GAB1: variants seen among roughly 807,000 people sequenced by gnomAD.
GAB1 encodes GRB2 associated binding protein 1.
Under a neutral mutation model 66.5 loss-of-function variants are expected in GAB1, and 19 were observed. That is an observed-to-expected ratio of 0.29 (90% confidence interval 0.20 to 0.42). The LOEUF (loss-of-function observed/expected upper bound fraction) is 0.42, where lower values mean the gene tolerates loss of function less well. Ranked by LOEUF, GAB1 falls within the 10% of genes least tolerant of loss-of-function variation. GAB1 has a pLI of 1.00. For missense variants in GAB1, 732 were observed against 858.5 expected (o/e 0.85, Z 1.84); for synonymous variants, 294 against 301.4 (o/e 0.98, Z 0.25).
intron 1 of GAB1, among the ~76,000 whole-genome samples, chr4:143,387,617 G>T (rs764597922): frequency 6.6e-6 from 1 of 152,114 alleles, no homozygotes; most frequent in African/African-American, 2.4e-5. Flanking sequence ...TCTTGCATTC[G>T]ATTCTTGCTT....
chr4:143,369,382 A>G (rs781268268), intron 1 of GAB1, among the ~76,000 whole-genome samples: 3 of 152,184 alleles, frequency 2.0e-5, no homozygotes, highest in Non-Finnish European at 4.4e-5. Flanking sequence ...TGGCCAAGAA[A>G]TACCAGCTCT....
chr4:143,460,244 GATTA>G (rs1735419282), intron 7 of GAB1, 116 bp from the exon 8 acceptor site: 2 of 884,702 alleles, frequency 2.3e-6, no homozygotes, highest in South Asian at 1.5e-5. Flanking sequence ...TACAATGAAT[GATTA>G]TAAACATAAG....
intron 1 of GAB1, among the ~76,000 whole-genome samples, chr4:143,373,887 T>TATATATATATATGTA (rs1560726049): frequency 1.0e-5 from 1 of 98,246 alleles, no homozygotes; most frequent in African/African-American, 4.4e-5. Flanking sequence ...ATATATATAT[T>TATATATATATATGTA]TTTACCTTTC....
intron 1 of GAB1, among the ~76,000 whole-genome samples, chr4:143,350,650 C>T (rs1432118869): frequency 7.0e-6 from 1 of 143,326 alleles, no homozygotes; most frequent in Non-Finnish European, 1.5e-5. Flanking sequence ...TGCACTCCAG[C>T]CTGGGCAACA....
chr4:143,360,620 C>T (rs1729625355), intron 1 of GAB1, among the ~76,000 whole-genome samples: 1 of 152,110 alleles, frequency 6.6e-6, no homozygotes, highest in Admixed American at 6.5e-5. Flanking sequence ...CAAATTCTTG[C>T]CATCATGCTA....
At chr4:143,351,817 A>G (rs1468528557) in intron 1 of GAB1, among the ~76,000 whole-genome samples, 1 of 152,220 alleles carries the variant, frequency 6.6e-6, no homozygotes, top group African/African-American at 2.4e-5. Flanking sequence ...ACTCTATTGC[A>G]CAGATTTATC....
In GAB1 at chr4:143,438,091, A is replaced by T. The variant is rs1272716603; in HGVS notation, c.686A>T (p.Lys229Ile). 6.2e-7 allele frequency: 1 copy of T among 1,614,004 alleles called. No homozygotes were observed. The highest frequency in any genetic ancestry group is 2.2e-5 in the East Asian group (1 of 44,894). The part of the protein sequence containing the change: ...SHKNPASSQS[K>I]HGMNGFFQQQ... ...AAAAATCCTGCTTCCTCCCAGAGCA[A>T]ACATGGAATGAATGGCTTTTTTCAG... The change falls in exon 4 of 10, where the codon AAA (lysine) becomes ATA (isoleucine). Residue 229 changes from lysine to isoleucine, a missense_variant. By Grantham distance (102) the Lys-to-Ile change is moderately radical (BLOSUM62 -3). Transcript: ENST00000262994.
At chr4:143,468,794 A>G (rs1735933247) in intron 9 of GAB1, among the ~76,000 whole-genome samples, 1 of 151,958 alleles carries the variant, frequency 6.6e-6, no homozygotes, top group Non-Finnish European at 1.5e-5. Flanking sequence ...GTGGTGGCAC[A>G]TGCCTGTAAT....
At chr4:143,384,889 G>C (rs932211442) in intron 1 of GAB1, among the ~76,000 whole-genome samples, 3 of 152,152 alleles carry the variant, frequency 2.0e-5, no homozygotes, top group African/African-American at 4.8e-5. Flanking sequence ...GTGTCATTTT[G>C]GTTTACTTGG....
chr4:143,459,590 G>C, intron 7 of GAB1, 112 bp downstream of exon 7: 2 of 728,816 alleles, frequency 2.7e-6, no homozygotes, highest in Admixed American at 2.3e-5. Flanking sequence ...GATCTGAAGA[G>C]CCCCCTTTTT....
chr4:143,469,362 A>G lies in GAB1; in HGVS notation c.*173A>G. On this transcript the variant is annotated 3_prime_UTR_variant, in exon 10 of 10. Transcript: ENST00000262994. Reference sequence around the variant, plus strand: ...TTAGACTTAAGTGGTGCTTTGTGGTATCTGAACAATTCATAACATGTAAAT... The same window carrying G: ...TTAGACTTAAGTGGTGCTTTGTGGTGTCTGAACAATTCATAACATGTAAAT... 1.7e-6 allele frequency: 1 copy of G among 605,150 alleles called. No homozygotes were observed. The highest frequency in any genetic ancestry group is 2.9e-6 in the Non-Finnish European group (1 of 348,092). The allele number at this position is 605,150 out of a possible 1,614,324, so 37.5% of individuals were successfully genotyped here. A position where few individuals can be genotyped will look rare whatever the true frequency, so the allele number is the denominator to read the frequency against.
At chr4:143,393,232 A>G (rs201930966) in intron 1 of GAB1, among the ~76,000 whole-genome samples, 1 of 142,238 alleles carries the variant, frequency 7.0e-6, no homozygotes, top group Non-Finnish European at 1.6e-5. Context: ...TTTTTTTTTA[A>G]AAAAAAAAAA....
intron 1 of GAB1, among the ~76,000 whole-genome samples, chr4:143,352,074 A>T (rs181042736): frequency 6.6e-6 from 1 of 152,272 alleles, no homozygotes; most frequent in East Asian, 1.9e-4. Context: ...CTCTCCAAGG[A>T]TCTGTTGTCA....
chr4:143,398,993 T>C (rs889484035), intron 1 of GAB1, among the ~76,000 whole-genome samples: 3 of 152,192 alleles, frequency 2.0e-5, no homozygotes, highest in Non-Finnish European at 1.5e-5. Flanking sequence ...CCCATCTAGA[T>C]GAGTGTGCTT....
intron 1 of GAB1, among the ~76,000 whole-genome samples, chr4:143,408,623 G>T (rs28925889): frequency 0.017 from 2,534 of 152,172 alleles, 29 homozygotes; most frequent in Middle Eastern, 0.037. Flanking sequence ...TAGCTTTATT[G>T]TGTAGATGTC....
At chr4:143,417,804 T>C (rs549724256) in intron 2 of GAB1, among the ~76,000 whole-genome samples, 7 of 152,216 alleles carry the variant, frequency 4.6e-5, no homozygotes, top group African/African-American at 1.2e-4. Context: ...CAGTACAAAG[T>C]AGTTTTGTAG....
chr4:143,417,510 C>G lies in GAB1; in HGVS notation c.367+1739C>G, dbSNP rs765972908. ...GCAACCTCTGCCTCCCAGGTTCAAGCGATTCTCGTGCCTCAGCCTTCTGAG... is the reference window on the plus strand; with the variant it reads ...GCAACCTCTGCCTCCCAGGTTCAAGGGATTCTCGTGCCTCAGCCTTCTGAG... On this transcript the variant is annotated intron_variant, in intron 2 of 9. Transcript: ENST00000262994. The G allele has an allele frequency of 1.2e-5, 4 of 339,346 alleles. No individual in the cohort carries two copies. In the Admixed American group the frequency reaches 1.3e-4, roughly 11 times the overall value. The allele number at this position is 339,346 out of a possible 1,614,324, so 21.0% of individuals were successfully genotyped here.
chr4:143,337,467 T>G (rs1728699520), intron 1 of GAB1, among the ~76,000 whole-genome samples: 2 of 152,292 alleles, frequency 1.3e-5, no homozygotes, highest in South Asian at 2.1e-4. Context: ...CGGACAACTT[T>G]CTTCCTCCAG....
chr4:143,357,827 A>G (rs185801803), intron 1 of GAB1, among the ~76,000 whole-genome samples: 1 of 151,938 alleles, frequency 6.6e-6, no homozygotes, highest in Admixed American at 6.5e-5. Context: ...CCTTTCCTTT[A>G]TCTCTTCAAA....
Sources: allele counts gnomAD v4.1 joint callset (sites outside exome capture counted in the v4.1 genomes callset), GRCh38; gene constraint gnomAD v4.1.1; transcripts MANE v1.5; gene names NCBI Gene and HGNC (gene_info 2026-07-23, HGNC 2026-07-21).